AGK: variants seen among roughly 807,000 people sequenced by gnomAD.
The protein encoded by AGK is acylglycerol kinase.
A neutral mutation model predicts 66.4 loss-of-function variants in AGK; 52 were observed. The ratio of observed to expected loss-of-function variants is 0.78; its 90% CI spans 0.63 to 0.99. AGK has a LOEUF of 0.99. AGK is among the 50% of genes least tolerant of loss of function. AGK has a pLI of 0.00. For synonymous variants in AGK, 182 were observed against 181.1 expected (o/e 1.00, Z -0.04); for missense variants, 451 against 506.6 (o/e 0.89, Z 1.05).
At chr7:141,607,209 A>G (rs1796482148) in intron 5 of AGK, among the ~76,000 whole-genome samples, 1 of 151,982 alleles carries the variant, frequency 6.6e-6, no homozygotes, top group African/African-American at 2.4e-5. Context: ...TGATAAGACT[A>G]TGTTTGGTTT....
chr7:141,654,161 G>GTT lies in AGK; in HGVS notation c.*1239_*1240dup, dbSNP rs1394372913. ...TTTTTTTTTAGCTCTTGCTTTAAGTGTTTGTTTGTTATCTCAGTCCAGAAC... is the reference window on the plus strand; with the variant it reads ...TTTTTTTTTAGCTCTTGCTTTAAGTGTTTTTGTTTGTTATCTCAGTCCAGAAC... On this transcript the variant is annotated 3_prime_UTR_variant, in exon 16 of 16. Transcript: ENST00000649286. 5.3e-5 allele frequency: 8 copies of GTT among 151,948 alleles called. No homozygotes were observed. The East Asian group carries it at 1.2e-3, about 22-fold the overall frequency. 9.4% of individuals were successfully genotyped at this position (151,948 alleles called of 1,614,324 possible). A position where few individuals can be genotyped will look rare whatever the true frequency, so the allele number is the denominator to read the frequency against.
chr7:141,641,775 G>A (rs777339959), intron 12 of AGK, 36 bp from the exon 13 acceptor site: 24 of 1,533,612 alleles, frequency 1.6e-5, no homozygotes, highest in Non-Finnish European at 1.9e-5. Flanking sequence ...AAATGTTAAT[G>A]GAAGAAACTG....
At chr7:141,579,712 A>G (rs1795842419) in intron 2 of AGK, among the ~76,000 whole-genome samples, 1 of 152,016 alleles carries the variant, frequency 6.6e-6, no homozygotes, top group Admixed American at 6.5e-5. Flanking sequence ...GATGGAAAGG[A>G]AATGAGAGGT....
At chr7:141,567,901 T>A (rs568523199) in intron 2 of AGK, among the ~76,000 whole-genome samples, 1 of 152,350 alleles carries the variant, frequency 6.6e-6, no homozygotes, top group South Asian at 2.1e-4. Context: ...TCTCTAAGCC[T>A]TAGGTTCTTC....
At chr7:141,605,394 T>C (rs1796437148) in intron 5 of AGK, among the ~76,000 whole-genome samples, 1 of 152,200 alleles carries the variant, frequency 6.6e-6, no homozygotes, top group Non-Finnish European at 1.5e-5. Flanking sequence ...TCACTAATCT[T>C]GAGCAGGTCC....
At position 141,617,829 on chromosome 7, in the gene AGK, A is replaced by G. The variant is rs192786416; in HGVS notation, c.518+2264A>G. On this transcript the variant is annotated intron_variant, in intron 8 of 15. Coordinates refer to ENST00000649286, the MANE Select transcript of AGK (RefSeq NM_018238.4). Reference sequence around the variant, plus strand: ...CTCAGTGTGTTAAATACTGTTCAGAATAAGTACAGTGCTTTAGGATTCTTT... The same window carrying G: ...CTCAGTGTGTTAAATACTGTTCAGAGTAAGTACAGTGCTTTAGGATTCTTT... 5.9e-5 allele frequency among the ~76,000 whole-genome samples: 9 copies of G among 152,306 alleles called. No individual in the cohort carries two copies. The East Asian group carries it at 1.7e-3, about 29-fold the overall frequency.
chr7:141,553,530 A>G (rs1270317518), intron 1 of AGK, among the ~76,000 whole-genome samples: 1 of 152,158 alleles, frequency 6.6e-6, no homozygotes, highest in Non-Finnish European at 1.5e-5. Flanking sequence ...TAATTGTATA[A>G]TTGTGTTAGC....
At chr7:141,605,844 C>G (rs981953835) in intron 5 of AGK, among the ~76,000 whole-genome samples, 1 of 152,134 alleles carries the variant, frequency 6.6e-6, no homozygotes, top group South Asian at 2.1e-4. Flanking sequence ...GGCTTTGTCT[C>G]CCATTTGACA....
chr7:141,559,242 A>G (rs1282559893), intron 2 of AGK, among the ~76,000 whole-genome samples: 1 of 152,076 alleles, frequency 6.6e-6, no homozygotes, highest in Non-Finnish European at 1.5e-5. Flanking sequence ...GGAGTTTTAT[A>G]TTGGGTCTTA....
chr7:141,615,360 G>T (rs1796681073), intron 7 of AGK, 111 bp from the exon 8 acceptor site: 2 of 755,134 alleles, frequency 2.6e-6, no homozygotes, highest in Non-Finnish European at 4.4e-6. Context: ...AAGGAGATGG[G>T]GAGGCAGATA....
rs1022898002 is a variant in AGK, at chr7:141,652,702, ACTT to A, written c.1132-79_1132-77del. The A allele has an allele frequency of 3.2e-5, 46 of 1,423,974 alleles. No homozygotes were observed. The East Asian group carries it at 6.2e-4, about 19-fold the overall frequency. The allele number at this position is 1,423,974 out of a possible 1,614,324, so 88.2% of individuals were successfully genotyped here. On this transcript the variant is annotated intron_variant, in intron 15 of 15. Coordinates refer to ENST00000649286, the MANE Select transcript of AGK (RefSeq NM_018238.4). The stretch of plus-strand genomic sequence containing the variant: ...GAGAGGATGTTGTTTTCCATAATGA[ACTT>A]CTTCTGGTGCTGCTGTGAGACCTCC...
At chr7:141,614,928 G>A (rs112534859) in intron 7 of AGK, among the ~76,000 whole-genome samples, 3,298 of 152,264 alleles carry the variant, frequency 0.022, 139 homozygotes, top group African/African-American at 0.076. Context: ...ATAGTACATT[G>A]TGCTCAGAAT....
intron 2 of AGK, among the ~76,000 whole-genome samples, chr7:141,579,405 G>A (rs1795832656): frequency 6.6e-6 from 1 of 151,976 alleles, no homozygotes; most frequent in Non-Finnish European, 1.5e-5. Flanking sequence ...CTGTATAGAG[G>A]TGGGAAGGCC....
At chr7:141,569,101 G>C (rs1795532426) in intron 2 of AGK, among the ~76,000 whole-genome samples, 1 of 152,114 alleles carries the variant, frequency 6.6e-6, no homozygotes, top group African/African-American at 2.4e-5. Flanking sequence ...CTGTATATTG[G>C]CTTTTCTAAG....
rs181385676 is a variant in AGK, at chr7:141,630,109, G to T, written c.589-3792G>T. On this transcript the variant is annotated intron_variant, in intron 9 of 15. Coordinates refer to ENST00000649286, the MANE Select transcript of AGK (RefSeq NM_018238.4). ...ATGGAATCTTCTATCATCATCATCA[G>T]CAGCAGCATCATCATCCTCAGACAT... Among the ~76,000 whole-genome samples the T allele has an allele frequency of 3.0e-3, 455 of 152,146 alleles. 1 individual carries two copies. The highest frequency in any genetic ancestry group is 0.01 in the South Asian group (50 of 4,810).
rs376712378 is a variant in AGK, at chr7:141,558,144, T to G, written c.101+2577T>G. Among the ~76,000 whole-genome samples, 33 of 152,160 alleles carry G rather than the reference T, an allele frequency of 2.2e-4. No individual in the cohort carries two copies. In the South Asian group the frequency reaches 6.6e-3, roughly 31 times the overall value. On this transcript the variant is annotated intron_variant, in intron 2 of 15. Coordinates refer to ENST00000649286, the MANE Select transcript of AGK (RefSeq NM_018238.4). ...TATTTCACTTATAATGTCTATAATG[T>G]TTATATTATCTTTACCTTTTCTTTT...
chr7:141,633,670 G>A (rs1175070671), intron 9 of AGK, among the ~76,000 whole-genome samples: 1 of 152,142 alleles, frequency 6.6e-6, no homozygotes, highest in Non-Finnish European at 1.5e-5. Context: ...ATGTTCCCCT[G>A]CCAGCAGATT....
intron 2 of AGK, among the ~76,000 whole-genome samples, chr7:141,570,627 CTT>C (rs768438918): frequency 2.1e-5 from 3 of 144,472 alleles, no homozygotes; most frequent in Non-Finnish European, 3.0e-5. Context: ...ATGTCCTCTA[CTT>C]TTTTTTTTTT....
At chr7:141,621,124 CATGGATGT>C (rs1796814448) in intron 8 of AGK, among the ~76,000 whole-genome samples, 1 of 152,202 alleles carries the variant, frequency 6.6e-6, no homozygotes, top group East Asian at 1.9e-4. Context: ...TCACATGCTA[CATGGATGT>C]CAATAGTACA....
Sources: gnomAD v4.1 joint callset for allele counts (sites outside exome capture counted in the v4.1 genomes callset) on GRCh38, gnomAD v4.1.1 for gene constraint, MANE v1.5 for transcripts, NCBI Gene and HGNC (gene_info 2026-07-23, HGNC 2026-07-21) for gene names.